ZNF654: variants seen among roughly 807,000 people sequenced by gnomAD.
ZNF654 encodes the protein zinc finger protein 654, also known as melanoma-associated antigen.
ZNF654 carries 19 observed loss-of-function variants against 95.3 expected under a neutral mutation model. That is an observed-to-expected ratio of 0.20 (90% CI 0.14 to 0.29). ZNF654 has a LOEUF of 0.29. Among genes scored for constraint, ZNF654 ranks in the 10% least tolerant of loss-of-function variants. ZNF654 has a pLI of 1.00. For synonymous variants in ZNF654, 413 were observed against 457.9 expected (o/e 0.90, Z 1.25); for missense variants, 1,046 against 1,341.0 (o/e 0.78, Z 3.44).
intron 3 of ZNF654, among the ~76,000 whole-genome samples, chr3:88,117,855 T>C (rs1559721649): frequency 6.6e-6 from 1 of 151,880 alleles, no homozygotes; most frequent in Non-Finnish European, 1.5e-5. Flanking sequence ...TAAGGGGAAG[T>C]GCAGCATAGA....
chr3:88,075,789 A>G (rs1707768194), intron 1 of ZNF654, among the ~76,000 whole-genome samples: 1 of 151,478 alleles, frequency 6.6e-6, no homozygotes, highest in African/African-American at 2.4e-5. Context: ...TCCTTCAGTT[A>G]TCTCTTGTAG....
chr3:88,096,433 G>A (rs183322135), intron 2 of ZNF654, among the ~76,000 whole-genome samples: 2 of 152,232 alleles, frequency 1.3e-5, no homozygotes, highest in East Asian at 1.9e-4. Context: ...GGGGTAAGGG[G>A]AGAAAGACCC....
intron 1 of ZNF654, among the ~76,000 whole-genome samples, chr3:88,071,266 T>C (rs1163148589): frequency 1.3e-5 from 2 of 152,160 alleles, no homozygotes; most frequent in Non-Finnish European, 2.9e-5. Context: ...TCCCAGCACT[T>C]TGGGAGGCCA....
chr3:88,118,302 G>A (rs1705536486), intron 3 of ZNF654, among the ~76,000 whole-genome samples: 1 of 152,084 alleles, frequency 6.6e-6, no homozygotes, highest in Non-Finnish European at 1.5e-5. Context: ...GGAGTTAGGA[G>A]GTGGTATGGG....
At chr3:88,087,071 C>T (rs572686172) in intron 2 of ZNF654, among the ~76,000 whole-genome samples, 14 of 151,472 alleles carry the variant, frequency 9.2e-5, no homozygotes, top group African/African-American at 2.9e-4. Context: ...CTTGAGCCAC[C>T]GTGCCCAGCC....
rs1219186967 is a variant in ZNF654, at chr3:88,138,715, A to G, written c.1046A>G (p.Glu349Gly). Residue 349 changes from glutamate (E) to glycine (G), a missense_variant, in exon 8 of 9, where the codon GAA becomes GGA. Glu to Gly is a moderately conservative substitution (Grantham distance 98). This residue lies in a region of ZNF654 where 78 missense variants were observed against 154.2 expected (regional missense o/e 0.51). Transcript: ENST00000636215. The part of the protein sequence containing the change: ...MKIIKDEVEE[E>G]GLQICVEICG... ...TTTTTCTTTTTACAGGTTGAAGAAG[A>G]AGGCTTGCAAATTTGTGTTGAAATA... 13 of 1,231,864 alleles carry G rather than the reference A, an allele frequency of 1.1e-5. No homozygotes were observed. Among genetic ancestry groups the G allele is most frequent in the East Asian group, 6.3e-5 (2 of 31,694 alleles). The allele number at this position is 1,231,864 out of a possible 1,614,324, so 76.3% of individuals were successfully genotyped here. A position where few individuals can be genotyped will look rare whatever the true frequency, so the allele number is the denominator to read the frequency against.
chr3:88,131,631 C>T (rs1706470327), intron 6 of ZNF654, among the ~76,000 whole-genome samples: 1 of 152,072 alleles, frequency 6.6e-6, no homozygotes, highest in African/African-American at 2.4e-5. Flanking sequence ...TGGCTCCTGG[C>T]CACAGAAACC....
chr3:88,065,948 T>C (rs1307357878), intron 1 of ZNF654, among the ~76,000 whole-genome samples: 1 of 152,170 alleles, frequency 6.6e-6, no homozygotes, highest in African/African-American at 2.4e-5. Flanking sequence ...ATCTGCAGGC[T>C]GGTCTTAACT....
chr3:88,073,846 G>A (rs1707648887), intron 1 of ZNF654, among the ~76,000 whole-genome samples: 1 of 152,160 alleles, frequency 6.6e-6, no homozygotes, highest in Non-Finnish European at 1.5e-5. Context: ...TAATAAGAGA[G>A]CAGTGGATTT....
chr3:88,126,041 C>T (rs1706080497), intron 3 of ZNF654, 93 bp from the exon 4 acceptor site: 1 of 1,233,000 alleles, frequency 8.1e-7, no homozygotes, highest in Non-Finnish European at 1.1e-6. Flanking sequence ...ATAGCTGCCT[C>T]ACTGGCCATC....
rs1388010877 is a variant in ZNF654 at position 88,129,891 on chromosome 3, G to T, written c.893+65G>T. 2.3e-6 allele frequency: 3 copies of T among 1,298,386 alleles called. No individual in the cohort carries two copies. In the African/African-American group the frequency reaches 4.4e-5, roughly 19 times the overall value. The allele number at this position is 1,298,386 out of a possible 1,614,324, so 80.4% of individuals were successfully genotyped here. ...GGCAACAGAAAGGAAATTGCAGTTTGAACTTTGTTTTTTACATTGTATGAA... is the reference window on the plus strand; with the variant it reads ...GGCAACAGAAAGGAAATTGCAGTTTTAACTTTGTTTTTTACATTGTATGAA... On this transcript the variant is annotated intron_variant, in intron 6 of 8. Coordinates refer to ENST00000636215, the MANE Select transcript of ZNF654 (RefSeq NM_001350134.2).
chr3:88,075,441 T>C (rs1318442431), intron 1 of ZNF654, among the ~76,000 whole-genome samples: 1 of 152,358 alleles, frequency 6.6e-6, no homozygotes, highest in East Asian at 1.9e-4. Flanking sequence ...GCCCTCATAT[T>C]TGTATTATTT....
At chr3:88,095,807 G>A in intron 2 of ZNF654, 1 of 443,280 alleles carries the variant, frequency 2.3e-6, no homozygotes, top group Non-Finnish European at 4.3e-6. Flanking sequence ...GGCAATCCAA[G>A]TTTTTCTCAG....
intron 1 of ZNF654, among the ~76,000 whole-genome samples, chr3:88,066,966 A>G (rs1246811394): frequency 6.6e-6 from 1 of 152,174 alleles, no homozygotes; most frequent in Non-Finnish European, 1.5e-5. Flanking sequence ...ATGGCAAACT[A>G]AATTTGGGAG....
chr3:88,106,889 G>A (rs1011122223), intron 2 of ZNF654, among the ~76,000 whole-genome samples: 75 of 152,204 alleles, frequency 4.9e-4, no homozygotes, highest in African/African-American at 1.7e-3. Context: ...CCTGATTTGA[G>A]ATGCTGTTTT....
chr3:88,063,927 T>C (rs1310510188), intron 1 of ZNF654, among the ~76,000 whole-genome samples: 1 of 152,202 alleles, frequency 6.6e-6, no homozygotes, highest in African/African-American at 2.4e-5. Context: ...CTCTGTGGTG[T>C]AAACCAAAAC....
chr3:88,096,945 T>A (rs746183799), intron 2 of ZNF654, among the ~76,000 whole-genome samples: 1 of 152,160 alleles, frequency 6.6e-6, no homozygotes, highest in Non-Finnish European at 1.5e-5. Context: ...CTATACACAC[T>A]GTTTTGTATC....
intron 1 of ZNF654, among the ~76,000 whole-genome samples, chr3:88,064,103 C>T (rs1194758532): frequency 1.4e-5 from 1 of 74,008 alleles, no homozygotes; most frequent in Middle Eastern, 7.9e-3. Flanking sequence ...GAATAACGAG[C>T]TTCTTCTTTT....
chr3:88,122,101 G>T (rs1481987462), intron 3 of ZNF654, among the ~76,000 whole-genome samples: 1 of 152,160 alleles, frequency 6.6e-6, no homozygotes, highest in African/African-American at 2.4e-5. Flanking sequence ...GGCAGGAGAA[G>T]AAATTAAGTT....
Sources: allele counts gnomAD v4.1 joint callset (sites outside exome capture counted in the v4.1 genomes callset), GRCh38; gene constraint gnomAD v4.1.1; regional missense constraint gnomAD v4.1.1; transcripts MANE v1.5; gene names NCBI Gene and HGNC (gene_info 2026-07-23, HGNC 2026-07-21).